The following ASGR1 variants were observed in gnomAD, a reference collection of about 807,000 sequenced individuals.
ASGR1 encodes asialoglycoprotein receptor 1, also known as C-type lectin domain family 4 member H1.
ASGR1 carries 35 observed loss-of-function variants against 33.1 expected under a neutral mutation model. The observed-to-expected ratio is 1.06, with a 90% CI of 0.81 to 1.40. The LOEUF (loss-of-function observed/expected upper bound fraction) is 1.40. Among genes scored for constraint, ASGR1 ranks in the 40% most tolerant of loss-of-function variants. The probability of loss-of-function intolerance (pLI) is 0.00; values close to 1 mark genes in which losing one functional copy is unlikely to be tolerated. For missense variants in ASGR1, 396 were observed against 373.7 expected (o/e 1.06, Z -0.49); for synonymous variants, 142 against 152.5 (o/e 0.93, Z 0.51).
At chr17:7,176,153 A>G (rs564665763) in intron 5 of ASGR1, among the ~76,000 whole-genome samples, 1 of 144,268 alleles carries the variant, frequency 6.9e-6, no homozygotes, top group East Asian at 2.1e-4. Context: ...TCTCATTCTC[A>G]CACACAGACA....
At chr17:7,175,374 AAC>A (rs920584060) in intron 5 of ASGR1, among the ~76,000 whole-genome samples, 32 of 139,910 alleles carry the variant, frequency 2.3e-4, no homozygotes, top group African/African-American at 6.7e-4. Context: ...CCCTCACCCA[AAC>A]ACACACAAAA....
At chr17:7,176,297 TCA>T (rs201268489) in intron 5 of ASGR1, among the ~76,000 whole-genome samples, 5,785 of 125,580 alleles carry the variant, frequency 0.046, 349 homozygotes, top group African/African-American at 0.15. Flanking sequence ...ATTCTCACAC[TCA>T]CAGACTCACA....
rs753856371 is a variant in ASGR1, at chr17:7,174,326, G to A, written c.443-37C>T. On this transcript the variant is annotated intron_variant, in intron 6 of 8. Transcript: ENST00000269299. ...AAACGGGGCGCAGGGGCTAAGCGCTGCCCAGAGAAGGGGGGAGGCAGAGAG... is the reference window on the plus strand; with the variant it reads ...AAACGGGGCGCAGGGGCTAAGCGCTACCCAGAGAAGGGGGGAGGCAGAGAG... The A allele has an allele frequency of 2.5e-6, 4 of 1,613,756 alleles. No individual in the cohort carries two copies. In the Middle Eastern group the frequency reaches 6.6e-4, roughly 266 times the overall value.
At chr17:7,176,933 A>C in intron 4 of ASGR1, 32 bp from the exon 5 acceptor site, 1 of 1,609,438 alleles carries the variant, frequency 6.2e-7, no homozygotes, top group Non-Finnish European at 8.5e-7. Flanking sequence ...CGTTCCCGAC[A>C]GCCCCCCAGC....
chr17:7,175,779 G>C (rs528043785), intron 5 of ASGR1, among the ~76,000 whole-genome samples: 80 of 129,272 alleles, frequency 6.2e-4, no homozygotes, highest in South Asian at 1.7e-3. Context: ...TTTCACACAG[G>C]CTCTCACACA....
rs1162770344 is a variant in ASGR1, at chr17:7,174,424, A to G, written c.392T>C (p.Val131Ala). 6.2e-7 allele frequency: 1 copy of G among 1,613,776 alleles called. No homozygotes were observed. Among genetic ancestry groups the G allele is most frequent in the Non-Finnish European group, 8.5e-7 (1 of 1,179,880 alleles). The change falls in exon 6 of 9, where the codon GTG becomes GCG. Residue 131 changes from valine (V) to alanine (A), a missense_variant. By Grantham distance (64) the Val-to-Ala change is moderately conservative. Coordinates refer to ENST00000269299, the MANE Select transcript of ASGR1 (RefSeq NM_001671.5). ...ACAGCTCAGGCTCCGCAGGTCAGAC[A>G]CGAACTGCTTCACGTGGAGCAGCAG... ...SSLLLHVKQF[V>A]SDLRSLSCQM... is the part of the protein sequence containing the mutation.
chr17:7,175,581 C>G (rs1017664960), intron 5 of ASGR1, among the ~76,000 whole-genome samples: 2 of 151,552 alleles, frequency 1.3e-5, no homozygotes, highest in South Asian at 2.1e-4. Flanking sequence ...CACTCACATG[C>G]ACTTACACAT....
At position 7,174,184 on chromosome 17, in the gene ASGR1, C is replaced by T. The variant is rs914151429; in HGVS notation, c.548G>A (p.Arg183Gln). 21 of 1,614,068 alleles carry T rather than the reference C, an allele frequency of 1.3e-5. No homozygotes were observed. Among genetic ancestry groups the T allele is most frequent in the Non-Finnish European group, 1.7e-5 (20 of 1,180,026 alleles). ...KAWADADNYC[R>Q]LEDAHLVVVT... ...CACCACCAGGTGCGCGTCCTCCAGC[C>T]GGCAGTAGTTGTCGGCGTCAGCCCA... The change falls in exon 7 of 9, where the codon CGG (arginine) becomes CAG (glutamine). Residue 183 changes from arginine (R) to glutamine (Q), a missense_variant. Physicochemically the swap from Arg to Gln is conservative, Grantham distance 43. Coordinates refer to ENST00000269299, the MANE Select transcript of ASGR1 (RefSeq NM_001671.5).
intron 2 of ASGR1, 36 bp from the exon 3 acceptor site, chr17:7,177,362 G>A (rs367845597): frequency 6.4e-7 from 1 of 1,571,344 alleles, no homozygotes; most frequent in Non-Finnish European, 8.7e-7. Flanking sequence ...CGCGGGGACA[G>A]AGGGGACCCT....
rs115079938 is a variant in ASGR1, at chr17:7,174,537, T to C, written c.356-77A>G. 2.2e-4 allele frequency: 319 copies of C among 1,457,698 alleles called. No individual in the cohort carries two copies. In the African/African-American group the frequency reaches 3.9e-3, roughly 18 times the overall value. 90.3% of individuals were successfully genotyped at this position (1,457,698 alleles called of 1,614,324 possible). ...GGGAAACGGGAAACGAGGTCAGCCC[T>C]ACATCCTCCTGCTGGGACCCGAACA... is the stretch of plus-strand genomic sequence containing the variant. On this transcript the variant is annotated intron_variant, in intron 5 of 8. Transcript: ENST00000269299.
chr17:7,177,538 C>T (rs1032465547), intron 2 of ASGR1: 4 of 530,836 alleles, frequency 7.5e-6, no homozygotes, highest in African/African-American at 3.9e-5. Context: ...AGCGCTGAGC[C>T]GCCCCATCCC....
rs768720174 is a variant in ASGR1, at chr17:7,174,438, G to A, written c.378C>T (p.His126=). 4.3e-6 allele frequency: 7 copies of A among 1,613,398 alleles called. No homozygotes were observed. The highest frequency in any genetic ancestry group is 4.5e-5 in the East Asian group (2 of 44,892). ...GCAGGTCAGACACGAACTGCTTCAC[G>A]TGGAGCAGCAGGCTGGAGTGATCTG... ...LSEDHSSLLL[H]VKQFVSDLRS... Residue 126 remains histidine, a synonymous_variant, in exon 6 of 9, where the codon CAC becomes CAT. Transcript: ENST00000269299.
chr17:7,177,129 C>T (rs1204498329), intron 3 of ASGR1, 53 bp from the exon 4 acceptor site: 9 of 1,612,788 alleles, frequency 5.6e-6, no homozygotes, highest in Non-Finnish European at 7.6e-6. Context: ...TGTCCGCCAC[C>T]ACTGCACCCA....
chr17:7,175,810 C>T (rs1168480327), intron 5 of ASGR1, among the ~76,000 whole-genome samples: 1 of 150,660 alleles, frequency 6.6e-6, no homozygotes, highest in Non-Finnish European at 1.5e-5. Flanking sequence ...CCCTCTCATT[C>T]TCACAGACAC....
intron 5 of ASGR1, chr17:7,176,529 A>ACCCACACT (rs1567793858): frequency 2.0e-6 from 1 of 494,188 alleles, no homozygotes; most frequent in African/African-American, 2.2e-5. Context: ...TCTCATTCCC[A>ACCCACACT]CACACACACC....
Position 7,177,209 on chromosome 17 carries a change from C to A in ASGR1, c.187+1G>T. The stretch of plus-strand genomic sequence containing the variant: ...CCCCTTCCCACCCCTGGGGCACCCA[C>A]TTTGGGATCCGATCACACAGACAAC... On this transcript the variant is annotated splice_donor_variant, in intron 3 of 8. Transcript: ENST00000269299. LOFTEE classifies it high-confidence loss of function. 6.2e-7 allele frequency: 1 copy of A among 1,613,634 alleles called. No homozygotes were observed. The highest frequency in any genetic ancestry group is 8.5e-7 in the Non-Finnish European group (1 of 1,179,952).
At chr17:7,178,718 CTTTT>C (rs1345777545) in intron 1 of ASGR1, 130 bp from the exon 2 acceptor site, 20 of 481,670 alleles carry the variant, frequency 4.2e-5, no homozygotes, top group South Asian at 1.6e-4. Flanking sequence ...TCTTTCTTTT[CTTTT>C]TCTTTTTTTT....
intron 1 of ASGR1, chr17:7,178,834 T>C: frequency 3.2e-6 from 1 of 310,334 alleles, no homozygotes; most frequent in Non-Finnish European, 5.8e-6. Flanking sequence ...CCTCCCGGGT[T>C]CAAGCGGTTC....
At chr17:7,177,682 T>C (rs1236421738) in intron 2 of ASGR1, 1 of 238,896 alleles carries the variant, frequency 4.2e-6, no homozygotes, top group East Asian at 9.0e-5. Flanking sequence ...AGTCGCTGCT[T>C]CCCCTGAAAG....
Sources: allele counts gnomAD v4.1 joint callset (sites outside exome capture counted in the v4.1 genomes callset), GRCh38; gene constraint gnomAD v4.1.1; transcripts MANE v1.5; gene names NCBI Gene and HGNC (gene_info 2026-07-23, HGNC 2026-07-21).